Variants in SLC6A6 observed in about 807,000 individuals in gnomAD.
SLC6A6 encodes solute carrier family 6 member 6.
SLC6A6 carries 16 observed loss-of-function variants against 68.8 expected under a neutral mutation model. The ratio of observed to expected loss-of-function variants is 0.23; its 90% CI spans 0.16 to 0.35. SLC6A6 has a LOEUF of 0.35. SLC6A6 is among the 10% of genes least tolerant of loss of function. SLC6A6 has a pLI of 1.00. For missense variants in SLC6A6, 474 were observed against 802.8 expected (o/e 0.59, Z 4.95); for synonymous variants, 312 against 315.4 (o/e 0.99, Z 0.12).
chr3:14,402,642 AG>A lies in SLC6A6; in HGVS notation c.-257del, dbSNP rs1484369578. ...GCTCAGACAACAGACACGCGAGGTC[AG>A]GAAGAAGCCGCTTATAAATTACCGC... On this transcript the variant is annotated 5_prime_UTR_variant, in exon 1 of 15. Transcript: ENST00000622186. The surrounding 1 kb of genome is among the most constrained non-coding windows in gnomAD (Gnocchi z 4.8). The A allele has an allele frequency of 2.5e-6, 1 of 397,938 alleles. No individual in the cohort carries two copies. The highest frequency in any genetic ancestry group is 4.4e-6 in the Non-Finnish European group (1 of 225,738). The allele number at this position is 397,938 out of a possible 1,614,324, so 24.7% of individuals were successfully genotyped here. A position where few individuals can be genotyped will look rare whatever the true frequency, so the allele number is the denominator to read the frequency against.
In SLC6A6 at chr3:14,477,382, C is replaced by A; in HGVS notation, c.1347+40C>A. 6.2e-7 allele frequency: 1 copy of A among 1,605,722 alleles called. No homozygotes were observed. Among genetic ancestry groups the A allele is most frequent in the Non-Finnish European group, 8.5e-7 (1 of 1,173,924 alleles). Reference sequence around the variant, plus strand: ...CAGCTGTGTTTCAGGCTTGGTGCTCCAGTGCCCTCCTCAAGGCCATAGTGG... The same window carrying A: ...CAGCTGTGTTTCAGGCTTGGTGCTCAAGTGCCCTCCTCAAGGCCATAGTGG... On this transcript the variant is annotated intron_variant, in intron 11 of 14. Coordinates refer to ENST00000622186, the MANE Select transcript of SLC6A6 (RefSeq NM_003043.6). The surrounding 1 kb of genome is among the most constrained non-coding windows in gnomAD (Gnocchi z 4.2).
At chr3:14,471,504 G>C (rs570502206) in intron 9 of SLC6A6, among the ~76,000 whole-genome samples, 5 of 152,258 alleles carry the variant, frequency 3.3e-5, no homozygotes, top group Middle Eastern at 3.4e-3. Context: ...GCCCTGAGAG[G>C]GTATGGGGTG....
At chr3:14,453,115 T>C (rs1342967059) in intron 5 of SLC6A6, among the ~76,000 whole-genome samples, 1 of 152,228 alleles carries the variant, frequency 6.6e-6, no homozygotes, top group Non-Finnish European at 1.5e-5. Context: ...AATTGTTGCC[T>C]CTGCTAGTCT....
chr3:14,419,951 C>T (rs1298262405), intron 2 of SLC6A6, among the ~76,000 whole-genome samples: 1 of 152,088 alleles, frequency 6.6e-6, no homozygotes, highest in Non-Finnish European at 1.5e-5. Flanking sequence ...GGTGTCTGCC[C>T]CCATGCCCCG....
chr3:14,467,814 C>A, intron 7 of SLC6A6, 39 bp from the exon 8 acceptor site: 1 of 1,340,112 alleles, frequency 7.5e-7, no homozygotes. Flanking sequence ...GCTCTGACAG[C>A]CCTCCTCTCT....
At chr3:14,455,875 C>T (rs1700355209) in intron 5 of SLC6A6, among the ~76,000 whole-genome samples, 1 of 152,260 alleles carries the variant, frequency 6.6e-6, no homozygotes, top group African/African-American at 2.4e-5. Context: ...CCCCCTGCCC[C>T]AAGGTGCCAG....
intron 2 of SLC6A6, among the ~76,000 whole-genome samples, chr3:14,424,767 C>A (rs552360667): frequency 2.0e-5 from 3 of 152,176 alleles, no homozygotes; most frequent in Non-Finnish European, 4.4e-5. Context: ...ATCACAGGCA[C>A]GGCCACAAGT....
Position 14,485,211 on chromosome 3 carries a change from A to C in SLC6A6, c.*204A>C. ...TGTGTGTTTTGTTTTGATTTGGGGG[A>C]TATTTTGTACAAAAAGAAAACCCAC... On this transcript the variant is annotated 3_prime_UTR_variant, in exon 15 of 15. Transcript: ENST00000622186. The C allele has an allele frequency of 4.9e-6, 2 of 406,748 alleles. No homozygotes were observed. The highest frequency in any genetic ancestry group is 8.6e-6 in the Non-Finnish European group (2 of 232,124). 25.2% of individuals were successfully genotyped at this position (406,748 alleles called of 1,614,324 possible).
At chr3:14,411,769 C>A (rs577252805) in intron 1 of SLC6A6, among the ~76,000 whole-genome samples, 56 of 152,346 alleles carry the variant, frequency 3.7e-4, no homozygotes, top group African/African-American at 1.2e-3. Flanking sequence ...CACCATCCAT[C>A]AATCCATCCA....
chr3:14,414,390 G>A (rs1047418542), intron 1 of SLC6A6, among the ~76,000 whole-genome samples: 13 of 152,338 alleles, frequency 8.5e-5, no homozygotes, highest in African/African-American at 3.1e-4. Flanking sequence ...GGAGGAGGAG[G>A]TGGGGTCAGT....
intron 2 of SLC6A6, among the ~76,000 whole-genome samples, chr3:14,416,846 G>A (rs751751544): frequency 7.9e-5 from 12 of 152,204 alleles, no homozygotes; most frequent in Non-Finnish European, 1.3e-4. Flanking sequence ...CTCTGTTAAA[G>A]GTTTGTTTTT....
intron 2 of SLC6A6, among the ~76,000 whole-genome samples, chr3:14,419,082 C>G (rs1699430047): frequency 6.6e-6 from 1 of 152,236 alleles, no homozygotes; most frequent in African/African-American, 2.4e-5. Flanking sequence ...TGGGCTGTTA[C>G]AGGCAGTAAA....
intron 5 of SLC6A6, among the ~76,000 whole-genome samples, chr3:14,457,547 C>T (rs946650598): frequency 5.9e-5 from 9 of 152,176 alleles, no homozygotes; most frequent in Non-Finnish European, 5.9e-5. Flanking sequence ...TGGCTAACTT[C>T]GTTCTGTCAG....
At chr3:14,423,350 T>C (rs779051687) in intron 2 of SLC6A6, among the ~76,000 whole-genome samples, 3 of 152,160 alleles carry the variant, frequency 2.0e-5, no homozygotes, top group Non-Finnish European at 2.9e-5. Flanking sequence ...ATGAATGTTG[T>C]GAGACAACAT....
Position 14,481,848 on chromosome 3 carries a change from G to C in SLC6A6, c.1722+7G>C. ...TGAGGGGCCGTTCCTTGTGGTAAGT[G>C]CTTGGGCCCAGGGCCAGGGGAGGTG... On this transcript the variant is annotated splice_region_variant and intron_variant, in intron 14 of 14. Transcript: ENST00000622186. The surrounding 1 kb of genome is among the most constrained non-coding windows in gnomAD (Gnocchi z 4.7). 6.2e-7 allele frequency: 1 copy of C among 1,613,104 alleles called. No individual in the cohort carries two copies. Among genetic ancestry groups the C allele is most frequent in the South Asian group, 1.1e-5 (1 of 91,018 alleles).
intron 3 of SLC6A6, among the ~76,000 whole-genome samples, chr3:14,445,175 C>A (rs1700086139): frequency 6.6e-6 from 1 of 152,158 alleles, no homozygotes; most frequent in African/African-American, 2.4e-5. Flanking sequence ...GTAATCCCAG[C>A]ACTTTGGGAG....
chr3:14,429,135 G>A (rs1481574606), intron 2 of SLC6A6, among the ~76,000 whole-genome samples: 2 of 152,176 alleles, frequency 1.3e-5, no homozygotes, highest in Non-Finnish European at 2.9e-5. Flanking sequence ...GGAGCCCTAG[G>A]TCACCCCTGC....
intron 2 of SLC6A6, 86 bp from the exon 3 acceptor site, chr3:14,443,538 T>G: frequency 5.1e-6 from 5 of 972,900 alleles, no homozygotes; most frequent in Admixed American, 2.1e-5. Flanking sequence ...GGGAGCCGGC[T>G]CGTGGATGAG....
At chr3:14,405,872 C>T (rs2124889679) in intron 1 of SLC6A6, among the ~76,000 whole-genome samples, 1 of 152,276 alleles carries the variant, frequency 6.6e-6, no homozygotes, top group South Asian at 2.1e-4. Flanking sequence ...GAGGTAGAAG[C>T]ATGTGGTAAC....
Sources: gnomAD v4.1 joint callset for allele counts (sites outside exome capture counted in the v4.1 genomes callset) on GRCh38, gnomAD v4.1.1 for gene constraint, Gnocchi (gnomAD v3.1) non-coding constraint, MANE v1.5 for transcripts, NCBI Gene and HGNC (gene_info 2026-07-23, HGNC 2026-07-21) for gene names.